NTM: variants seen among roughly 807,000 people sequenced by gnomAD.
NTM encodes IgLON family member 2.
Under a neutral mutation model 42.1 loss-of-function variants are expected in NTM, and 13 were observed. That is an observed-to-expected ratio of 0.31 (90% confidence interval 0.20 to 0.49). The LOEUF (loss-of-function observed/expected upper bound fraction) is 0.49, where lower values mean the gene tolerates loss of function less well. Among genes scored for constraint, NTM ranks in the 20% least tolerant of loss-of-function variants. NTM has a pLI of 0.99. For synonymous variants in NTM, 187 were observed against 179.2 expected, an observed-to-expected ratio of 1.04 and a Z score of -0.35; for missense variants, 373 against 452.8, an observed-to-expected ratio of 0.82 and a Z score of 1.60.
chr11:131,485,436 C>G (rs1954066820), intron 1 of NTM, among the ~76,000 whole-genome samples: 1 of 152,092 alleles, frequency 6.6e-6, no homozygotes, highest in Admixed American at 6.5e-5. Context: ...GTGGGACTCC[C>G]CATCCAATCT....
intron 3 of NTM, among the ~76,000 whole-genome samples, chr11:132,159,474 G>A (rs975977192): frequency 2.0e-5 from 3 of 152,172 alleles, no homozygotes; most frequent in African/African-American, 7.2e-5. Flanking sequence ...ATCGCCTTTG[G>A]ATTATGGACC....
At chr11:131,888,489 G>A (rs547876722) in intron 1 of NTM, among the ~76,000 whole-genome samples, 33 of 152,122 alleles carry the variant, frequency 2.2e-4, no homozygotes, top group African/African-American at 5.5e-4. Flanking sequence ...TTCTCCTTTC[G>A]GTTCAGCCCC....
intron 7 of NTM, chr11:132,315,081 T>G: frequency 1.0e-6 from 1 of 978,236 alleles, no homozygotes; most frequent in South Asian, 4.8e-5. Context: ...TGACATTTGA[T>G]TTTTTTTTTC....
At chr11:131,513,896 C>G (rs1402517479) in intron 1 of NTM, among the ~76,000 whole-genome samples, 3 of 152,032 alleles carry the variant, frequency 2.0e-5, no homozygotes, top group African/African-American at 4.8e-5. Context: ...AGGGTCAGAG[C>G]CCCAGGGGAA....
intron 1 of NTM, among the ~76,000 whole-genome samples, chr11:131,621,398 A>G (rs1307248656): frequency 6.6e-6 from 1 of 152,132 alleles, no homozygotes; most frequent in Non-Finnish European, 1.5e-5. Context: ...GCATCTCCGG[A>G]GAAAGCTTTG....
chr11:132,115,277 G>A (rs548459680), intron 2 of NTM, among the ~76,000 whole-genome samples: 7 of 152,270 alleles, frequency 4.6e-5, no homozygotes, highest in Non-Finnish European at 1.0e-4. Flanking sequence ...GAAGTATATT[G>A]AGAGTGGATC....
chr11:131,895,861 T>C (rs1393592187), intron 1 of NTM, among the ~76,000 whole-genome samples: 1 of 152,146 alleles, frequency 6.6e-6, no homozygotes, highest in Non-Finnish European at 1.5e-5. Flanking sequence ...TAGGAGGGCA[T>C]CTTGGCAGAG....
At chr11:131,555,127 A>G (rs1260704830) in intron 1 of NTM, among the ~76,000 whole-genome samples, 1 of 152,256 alleles carries the variant, frequency 6.6e-6, no homozygotes, top group East Asian at 1.9e-4. Flanking sequence ...GTGCCACTGC[A>G]CTCCAGGCTG....
At chr11:132,150,569 T>C (rs1365108450) in intron 3 of NTM, among the ~76,000 whole-genome samples, 4 of 152,160 alleles carry the variant, frequency 2.6e-5, no homozygotes, top group Non-Finnish European at 5.9e-5. Context: ...AATGGAAATT[T>C]TAAATAGATG....
At chr11:131,570,465 G>A (rs761938952) in intron 1 of NTM, among the ~76,000 whole-genome samples, 1 of 152,208 alleles carries the variant, frequency 6.6e-6, no homozygotes, top group Non-Finnish European at 1.5e-5. Context: ...ATTAAAAGGA[G>A]TGACTTAGTA....
At chr11:132,196,535 C>G (rs2080244876) in intron 3 of NTM, among the ~76,000 whole-genome samples, 1 of 152,068 alleles carries the variant, frequency 6.6e-6, no homozygotes, top group Non-Finnish European at 1.5e-5. Flanking sequence ...GACATGGAAT[C>G]AGCCTATATG....
chr11:131,447,223 G>T (rs1950126409), intron 1 of NTM, among the ~76,000 whole-genome samples: 1 of 152,202 alleles, frequency 6.6e-6, no homozygotes, highest in Admixed American at 6.5e-5. Context: ...AAGAGGGCTG[G>T]TTGGAGTGCC....
At chr11:131,834,426 T>C (rs1052629101) in intron 1 of NTM, among the ~76,000 whole-genome samples, 16 of 151,988 alleles carry the variant, frequency 1.1e-4, no homozygotes, top group Admixed American at 8.5e-4. Flanking sequence ...TGAATTGTTT[T>C]CATGTGGTAG....
intron 1 of NTM, among the ~76,000 whole-genome samples, chr11:131,388,849 T>TA (rs1943647193): frequency 6.6e-6 from 1 of 150,916 alleles, no homozygotes; most frequent in African/African-American, 2.4e-5. Flanking sequence ...TCATCTCTAC[T>TA]AAAAATATAA....
At chr11:132,051,510 A>T (rs1323019718) in intron 2 of NTM, among the ~76,000 whole-genome samples, 1 of 152,150 alleles carries the variant, frequency 6.6e-6, no homozygotes, top group African/African-American at 2.4e-5. Context: ...AGGAAGTAAG[A>T]TTTTTGGCCA....
chr11:131,778,097 A>C (rs1372753557), intron 1 of NTM, among the ~76,000 whole-genome samples: 1 of 152,228 alleles, frequency 6.6e-6, no homozygotes, highest in Non-Finnish European at 1.5e-5. Flanking sequence ...AACCCCACTC[A>C]ATACATAGGA....
At chr11:131,797,133 G>A (rs1472666139) in intron 1 of NTM, among the ~76,000 whole-genome samples, 1 of 152,206 alleles carries the variant, frequency 6.6e-6, no homozygotes, top group Non-Finnish European at 1.5e-5. Context: ...GTTTTCCTGA[G>A]TAATCTTTAC....
chr11:132,121,027 C>G (rs934700162), intron 2 of NTM, among the ~76,000 whole-genome samples: 1 of 152,116 alleles, frequency 6.6e-6, no homozygotes, highest in Non-Finnish European at 1.5e-5. Context: ...AAAATATGTC[C>G]AGTGGTCACC....
intron 2 of NTM, among the ~76,000 whole-genome samples, chr11:131,978,299 T>C (rs544996279): frequency 6.6e-6 from 1 of 152,314 alleles, no homozygotes; most frequent in Non-Finnish European, 1.5e-5. Context: ...TTATGCATGT[T>C]TTATTTTATT....
Sources: allele counts gnomAD v4.1 joint callset (sites outside exome capture counted in the v4.1 genomes callset), GRCh38; gene constraint gnomAD v4.1.1; transcripts MANE v1.5; gene names NCBI Gene and HGNC (gene_info 2026-07-23, HGNC 2026-07-21).